The following GABBR2 variants were observed in gnomAD, a reference collection of about 807,000 sequenced individuals.
GABBR2 encodes gamma-aminobutyric acid type B receptor subunit 2, also known as G-protein coupled receptor 51.
A neutral mutation model predicts 105.6 loss-of-function variants in GABBR2; 23 were observed. The ratio of observed to expected loss-of-function variants is 0.22; its 90% CI spans 0.16 to 0.31. The LOEUF (loss-of-function observed/expected upper bound fraction) is 0.31. GABBR2 is among the 10% of genes least tolerant of loss of function. GABBR2 has a pLI of 1.00. For synonymous variants in GABBR2, 478 were observed against 499.7 expected, an observed-to-expected ratio of 0.96 and a Z score of 0.58; for missense variants, 734 against 1,245.5, an observed-to-expected ratio of 0.59 and a Z score of 6.18.
chr9:98,437,555 A>G lies in GABBR2; in HGVS notation c.1236+16426T>C, dbSNP rs969080697. On this transcript the variant is annotated intron_variant, in intron 7 of 18. Transcript: ENST00000259455. ...TATCCATCCACCTATCTACACATCT[A>G]TCCTTTCATCCATCCATCCACCCAC... is the stretch of plus-strand genomic sequence containing the variant. 2.3e-4 allele frequency among the ~76,000 whole-genome samples: 34 copies of G among 150,756 alleles called. 1 individual carries two copies.
chr9:98,373,545 C>T (rs952900628), intron 11 of GABBR2, among the ~76,000 whole-genome samples: 29 of 152,174 alleles, frequency 1.9e-4, no homozygotes, highest in Non-Finnish European at 3.7e-4. Context: ...GGTTCATCTA[C>T]ACCTAGGAGC....
intron 6 of GABBR2, among the ~76,000 whole-genome samples, chr9:98,455,859 A>G (rs1300106038): frequency 3.9e-5 from 6 of 152,118 alleles, no homozygotes; most frequent in Non-Finnish European, 8.8e-5. Context: ...ATTCTGCATG[A>G]CCAAATGTGA....
intron 1 of GABBR2, among the ~76,000 whole-genome samples, chr9:98,639,819 A>AGGG: frequency 6.6e-6 from 1 of 151,728 alleles, no homozygotes; most frequent in Non-Finnish European, 1.5e-5. Flanking sequence ...AAATAGCCTT[A>AGGG]TCTCGGGAGG....
chr9:98,300,057 T>G, intron 16 of GABBR2, among the ~76,000 whole-genome samples: 1 of 146,356 alleles, frequency 6.8e-6, no homozygotes. Context: ...AGAGATGGGG[T>G]CTCTCTATGT....
chr9:98,521,100 C>T (rs1827855621), intron 3 of GABBR2, among the ~76,000 whole-genome samples: 1 of 152,124 alleles, frequency 6.6e-6, no homozygotes, highest in Non-Finnish European at 1.5e-5. Flanking sequence ...AAGCTAAGCA[C>T]AGATGTCCAA....
chr9:98,429,515 C>A (rs536496573), intron 7 of GABBR2, among the ~76,000 whole-genome samples: 4 of 152,300 alleles, frequency 2.6e-5, no homozygotes, highest in Admixed American at 2.6e-4. Context: ...GACCTCGCTA[C>A]GTACATGCCT....
intron 15 of GABBR2, among the ~76,000 whole-genome samples, chr9:98,304,480 C>G (rs959791517): frequency 6.6e-6 from 1 of 152,232 alleles, no homozygotes; most frequent in Non-Finnish European, 1.5e-5. Context: ...AGAGAATCAT[C>G]TGGCCTCTTT....
At chr9:98,438,324 C>T (rs568487206) in intron 7 of GABBR2, among the ~76,000 whole-genome samples, 1 of 152,174 alleles carries the variant, frequency 6.6e-6, no homozygotes, top group Non-Finnish European at 1.5e-5. Context: ...ACCCATCCCC[C>T]AACCCATGTC....
At chr9:98,594,338 G>A (rs1370396941) in intron 1 of GABBR2, among the ~76,000 whole-genome samples, 2 of 152,228 alleles carry the variant, frequency 1.3e-5, no homozygotes, top group Non-Finnish European at 2.9e-5. Flanking sequence ...TCACGACACT[G>A]CCTGCGCAGG....
At chr9:98,672,780 G>T (rs940480960) in intron 1 of GABBR2, among the ~76,000 whole-genome samples, 2 of 152,200 alleles carry the variant, frequency 1.3e-5, no homozygotes, top group African/African-American at 2.4e-5. Flanking sequence ...TCTGTCCAAA[G>T]CTTTTAATAA....
Position 98,511,047 on chromosome 9 carries a change from C to A in GABBR2, c.631-14533G>T, listed in dbSNP as rs573386542. Among the ~76,000 whole-genome samples the A allele has an allele frequency of 3.9e-5, 6 of 152,316 alleles. No individual in the cohort carries two copies. In the East Asian group the frequency reaches 9.6e-4, roughly 24 times the overall value. On this transcript the variant is annotated intron_variant, in intron 3 of 18. Transcript: ENST00000259455. ...AAATGTAAAAGAACAGAAGTTATAA[C>A]AAACTGCCTCTCAGACCACAGTGCA...
At chr9:98,431,969 C>A (rs1331927570) in intron 7 of GABBR2, among the ~76,000 whole-genome samples, 1 of 149,232 alleles carries the variant, frequency 6.7e-6, no homozygotes, top group Non-Finnish European at 1.5e-5. Context: ...GATCTCGGCT[C>A]ACTGCAACCT....
rs768304032 is a variant in GABBR2, at chr9:98,303,325, C to T, written c.2328G>A (p.Ser776=). 32 of 1,613,952 alleles carry T rather than the reference C, an allele frequency of 2.0e-5. No homozygotes were observed. The highest frequency in any genetic ancestry group is 3.3e-5 in the Admixed American group (2 of 60,006). ...TGCTGGCTTGGTTCACACTGGTGAC[C>T]GAGGTGGACGTTTTAGAATCTTCTT... ...QKKEDSKTST[S]VTSVNQASTS... Residue 776 remains serine (S), a synonymous_variant, in exon 16 of 19, where the codon TCG becomes TCA. Coordinates refer to ENST00000259455, the MANE Select transcript of GABBR2 (RefSeq NM_005458.8).
Position 98,496,423 on chromosome 9 carries a change from T to C in GABBR2, c.722A>G (p.Lys241Arg). The C allele has an allele frequency of 6.2e-7, 1 of 1,607,382 alleles. No individual in the cohort carries two copies. Among genetic ancestry groups the C allele is most frequent in the East Asian group, 2.2e-5 (1 of 44,814 alleles). The stretch of plus-strand genomic sequence containing the variant: ...GCTAGCCACACCTACCTTCAGCTTT[T>C]TGACACTGGTACAGGGATCGTTGGA... The part of the protein sequence containing the change: ...SFSNDPCTSV[K>R]KLKGNDVRII... The change falls in exon 4 of 19, where the codon AAA becomes AGA. Residue 241 changes from lysine (K) to arginine (R), a missense_variant. Transcript: ENST00000259455.
chr9:98,571,180 G>A (rs1828824375), intron 2 of GABBR2, among the ~76,000 whole-genome samples: 2 of 152,204 alleles, frequency 1.3e-5, no homozygotes. Context: ...CAGGAAGAAT[G>A]AGCATAGTCC....
At chr9:98,356,350 T>C (rs112104887) in intron 13 of GABBR2, among the ~76,000 whole-genome samples, 4 of 152,222 alleles carry the variant, frequency 2.6e-5, no homozygotes, top group African/African-American at 9.6e-5. Flanking sequence ...ACAACCTATT[T>C]AAAAAGTGCA....
chr9:98,415,714 T>C (rs771251874), intron 7 of GABBR2, among the ~76,000 whole-genome samples: 3 of 152,178 alleles, frequency 2.0e-5, no homozygotes, highest in African/African-American at 4.8e-5. Context: ...GAGGTATGTA[T>C]GATGATCTCC....
chr9:98,424,093 C>G (rs1374753549), intron 7 of GABBR2, among the ~76,000 whole-genome samples: 1 of 152,094 alleles, frequency 6.6e-6, no homozygotes, highest in African/African-American at 2.4e-5. Context: ...AAAATACTGG[C>G]AAACCGAATC....
rs370635580 is a variant in GABBR2 at position 98,650,337 on chromosome 9, T to C, written c.321+58080A>G. 2.8e-4 allele frequency among the ~76,000 whole-genome samples: 42 copies of C among 152,304 alleles called. 2 individuals carry two copies. In the South Asian group the frequency reaches 8.5e-3, roughly 31 times the overall value. On this transcript the variant is annotated intron_variant, in intron 1 of 18. Transcript: ENST00000259455. ...CTGCTCAACCTCAGTTTCCCTGTCT[T>C]TAAAACAGAAGTTGAAAGAATAGTA... is the stretch of plus-strand genomic sequence containing the variant.
Sources: allele counts gnomAD v4.1 joint callset (sites outside exome capture counted in the v4.1 genomes callset), GRCh38; gene constraint gnomAD v4.1.1; transcripts MANE v1.5; gene names NCBI Gene and HGNC (gene_info 2026-07-23, HGNC 2026-07-21).